The following IQGAP2 variants were observed in gnomAD, a reference collection of about 807,000 sequenced individuals.
The protein encoded by IQGAP2 is IQ motif containing GTPase activating protein 2.
IQGAP2 carries 173 observed loss-of-function variants against 201.3 expected under a neutral mutation model. The observed-to-expected ratio is 0.86, with a 90% CI of 0.76 to 0.98. The LOEUF is 0.98. IQGAP2 is among the 50% of genes least tolerant of loss of function. The pLI, the probability that IQGAP2 is intolerant of heterozygous loss-of-function variation, is 0.00. For synonymous variants in IQGAP2, 675 were observed against 673.9 expected, an observed-to-expected ratio of 1.00 and a Z score of -0.03; for missense variants, 1,687 against 1,864.8, an observed-to-expected ratio of 0.90 and a Z score of 1.76.
intron 2 of IQGAP2, among the ~76,000 whole-genome samples, chr5:76,559,326 G>T (rs1580456159): frequency 6.6e-6 from 1 of 152,246 alleles, no homozygotes; most frequent in South Asian, 2.1e-4. Context: ...TCTCACAATG[G>T]GAAAGGCCTG....
chr5:76,543,711 G>A (rs1173483546), intron 2 of IQGAP2, among the ~76,000 whole-genome samples: 1 of 152,158 alleles, frequency 6.6e-6, no homozygotes, highest in Non-Finnish European at 1.5e-5. Context: ...GTTTGGACTT[G>A]TATTTTCTTA....
intron 1 of IQGAP2, among the ~76,000 whole-genome samples, chr5:76,418,246 A>G (rs1751526587): frequency 6.6e-6 from 1 of 151,490 alleles, no homozygotes; most frequent in South Asian, 2.1e-4. Flanking sequence ...TTCTCCTTCA[A>G]CTTGAAAGGC....
At chr5:76,622,221 C>T (rs1393704335) in intron 13 of IQGAP2, among the ~76,000 whole-genome samples, 1 of 152,136 alleles carries the variant, frequency 6.6e-6, no homozygotes, top group Non-Finnish European at 1.5e-5. Context: ...GGAACCACCC[C>T]CGAAAACCTT....
chr5:76,672,171 A>G (rs1744387748), intron 24 of IQGAP2, among the ~76,000 whole-genome samples, 188 bp downstream of exon 24: 1 of 152,204 alleles, frequency 6.6e-6, no homozygotes, highest in Non-Finnish European at 1.5e-5. Flanking sequence ...CACATTTCAG[A>G]GCCAGGTGAT....
chr5:76,507,566 C>T (rs755568471), intron 2 of IQGAP2, among the ~76,000 whole-genome samples: 3 of 152,190 alleles, frequency 2.0e-5, no homozygotes, highest in East Asian at 3.9e-4. Flanking sequence ...TAAAAATTTC[C>T]GTTCTGTGAA....
chr5:76,702,391 A>G, intron 34 of IQGAP2, 91 bp from the exon 35 acceptor site: 1 of 671,112 alleles, frequency 1.5e-6, no homozygotes, highest in East Asian at 2.7e-5. Context: ...CATTATTTAA[A>G]AATGATTATT....
At chr5:76,666,337 G>A (rs2150469432) in intron 22 of IQGAP2, among the ~76,000 whole-genome samples, 1 of 152,312 alleles carries the variant, frequency 6.6e-6, no homozygotes, top group South Asian at 2.1e-4. Flanking sequence ...GCCTAATTTA[G>A]TAGTCAACCA....
At chr5:76,467,828 T>C (rs1025395635) in intron 2 of IQGAP2, among the ~76,000 whole-genome samples, 1 of 152,152 alleles carries the variant, frequency 6.6e-6, no homozygotes, top group Admixed American at 6.5e-5. Context: ...TACTACAACA[T>C]GGATGAACCT....
intron 31 of IQGAP2, among the ~76,000 whole-genome samples, chr5:76,694,125 T>C (rs1746515196): frequency 1.3e-5 from 2 of 152,198 alleles, no homozygotes; most frequent in African/African-American, 4.8e-5. Flanking sequence ...ATCCTTGTAA[T>C]AGTTTTTAAT....
intron 12 of IQGAP2, among the ~76,000 whole-genome samples, chr5:76,610,307 A>C (rs1456124371): frequency 6.7e-6 from 1 of 150,012 alleles, no homozygotes; most frequent in African/African-American, 2.4e-5. Context: ...GATGATGTAC[A>C]AAGGGAAAAT....
chr5:76,664,409 G>A (rs2150463567), intron 21 of IQGAP2, among the ~76,000 whole-genome samples: 1 of 152,348 alleles, frequency 6.6e-6, no homozygotes, highest in Admixed American at 6.5e-5. Flanking sequence ...GATAGGCTGG[G>A]CACGGTGGCT....
chr5:76,637,589 A>G (rs376516706), intron 16 of IQGAP2, among the ~76,000 whole-genome samples: 2 of 152,326 alleles, frequency 1.3e-5, no homozygotes, highest in East Asian at 3.9e-4. Context: ...TTTTTTCTAC[A>G]AAGTGCTGGA....
intron 13 of IQGAP2, among the ~76,000 whole-genome samples, chr5:76,624,854 A>C (rs932494589): frequency 6.6e-6 from 1 of 152,178 alleles, no homozygotes; most frequent in Non-Finnish European, 1.5e-5. Context: ...TGGGGGGATC[A>C]CTTGAGGTCA....
intron 1 of IQGAP2, among the ~76,000 whole-genome samples, chr5:76,434,764 C>CT (rs1752562178): frequency 6.6e-6 from 1 of 152,096 alleles, no homozygotes; most frequent in Non-Finnish European, 1.5e-5. Context: ...ACTTTTAGTT[C>CT]TTTAAGAAAT....
chr5:76,663,465 AC>A (rs1464427209), intron 21 of IQGAP2, among the ~76,000 whole-genome samples: 1 of 119,488 alleles, frequency 8.4e-6, no homozygotes, highest in African/African-American at 2.7e-5. Context: ...TAGAACAGCG[AC>A]TTTCAAATAT....
intron 1 of IQGAP2, among the ~76,000 whole-genome samples, chr5:76,436,749 C>T (rs548796461): frequency 2.7e-4 from 41 of 150,524 alleles, no homozygotes; most frequent in African/African-American, 9.5e-4. Context: ...AGGATGGTCT[C>T]GATCTTTTGG....
At chr5:76,517,145 CCT>C (rs1388833837) in intron 2 of IQGAP2, among the ~76,000 whole-genome samples, 1 of 151,744 alleles carries the variant, frequency 6.6e-6, no homozygotes, top group Non-Finnish European at 1.5e-5. Context: ...CATTTTTTCC[CCT>C]GAGTCAGGTT....
intron 1 of IQGAP2, among the ~76,000 whole-genome samples, chr5:76,436,592 G>A (rs774908052): frequency 8.5e-5 from 11 of 128,712 alleles, no homozygotes; most frequent in Non-Finnish European, 1.4e-4. Flanking sequence ...GTGCAGTGGC[G>A]CAATCTCGGC....
At chr5:76,643,724 C>G (rs1199916447) in intron 17 of IQGAP2, among the ~76,000 whole-genome samples, 2 of 152,024 alleles carry the variant, frequency 1.3e-5, no homozygotes, top group Non-Finnish European at 2.9e-5. Context: ...CAAAACTTAG[C>G]CCTGAGAATT....
Sources: allele counts gnomAD v4.1 joint callset (sites outside exome capture counted in the v4.1 genomes callset), GRCh38; gene constraint gnomAD v4.1.1; transcripts MANE v1.5; gene names NCBI Gene and HGNC (gene_info 2026-07-23, HGNC 2026-07-21).